PCCA: variants seen among roughly 807,000 people sequenced by gnomAD.
PCCA encodes the protein propionyl-CoA carboxylase subunit alpha.
A neutral mutation model predicts 101.3 loss-of-function variants in PCCA; 74 were observed. The observed-to-expected ratio is 0.73, with a 90% CI of 0.61 to 0.89. The LOEUF is 0.89. Ranked by LOEUF, PCCA falls within the 40% of genes least tolerant of loss-of-function variation. PCCA has a pLI of 0.00. For missense variants in PCCA, 891 were observed against 907.0 expected (o/e 0.98, Z 0.23); for synonymous variants, 294 against 313.6 (o/e 0.94, Z 0.66).
chr13:100,471,630 G>A (rs2083022451), intron 21 of PCCA, among the ~76,000 whole-genome samples: 3 of 152,102 alleles, frequency 2.0e-5, no homozygotes, highest in Admixed American at 6.5e-5. Context: ...TTTGCCCATC[G>A]GTAGAGTTTT....
intron 4 of PCCA, among the ~76,000 whole-genome samples, chr13:100,124,862 A>C (rs1251531644): frequency 3.3e-5 from 5 of 152,178 alleles, no homozygotes. Flanking sequence ...GTTTTACCTT[A>C]GATGTATATA....
intron 4 of PCCA, among the ~76,000 whole-genome samples, chr13:100,133,911 A>G (rs1281149791): frequency 6.6e-6 from 1 of 152,198 alleles, no homozygotes; most frequent in East Asian, 1.9e-4. Context: ...CCTGACCTCG[A>G]ACATCAGACT....
At chr13:100,322,323 G>T (rs561492170) in intron 16 of PCCA, among the ~76,000 whole-genome samples, 1 of 152,226 alleles carries the variant, frequency 6.6e-6, no homozygotes, top group East Asian at 1.9e-4. Flanking sequence ...GAATTAGTTT[G>T]TCATGCCTAC....
intron 18 of PCCA, among the ~76,000 whole-genome samples, chr13:100,349,417 G>T (rs1025582126): frequency 6.6e-6 from 1 of 151,072 alleles, no homozygotes; most frequent in African/African-American, 2.4e-5. Context: ...GTGAGCCACC[G>T]TGCCTGGCCT....
intron 4 of PCCA, chr13:100,150,711 AT>A (rs1263800637): frequency 6.3e-7 from 1 of 1,577,594 alleles, no homozygotes; most frequent in Non-Finnish European, 8.6e-7. Context: ...ACCTCAAAAA[AT>A]TTGTATGTGG....
intron 17 of PCCA, among the ~76,000 whole-genome samples, chr13:100,339,566 C>T (rs2070999189): frequency 6.6e-6 from 1 of 152,168 alleles, no homozygotes. Context: ...TTGCGGCCAG[C>T]CGACTATCCC....
intron 18 of PCCA, among the ~76,000 whole-genome samples, chr13:100,348,088 G>A (rs945172254): frequency 5.3e-5 from 8 of 152,076 alleles, no homozygotes; most frequent in Admixed American, 1.3e-4. Context: ...TTTCACAATC[G>A]GCTTGGGAAT....
chr13:100,477,979 C>T (rs190225278), intron 21 of PCCA, among the ~76,000 whole-genome samples: 252 of 152,340 alleles, frequency 1.7e-3, no homozygotes, highest in Non-Finnish European at 3.1e-3. Flanking sequence ...CGCTGACGGC[C>T]GCTCCAGGTT....
chr13:100,262,229 C>A (rs1320991022), intron 9 of PCCA, among the ~76,000 whole-genome samples: 1 of 151,762 alleles, frequency 6.6e-6, no homozygotes, highest in Non-Finnish European at 1.5e-5. Flanking sequence ...CCTGTCTCTA[C>A]CAAAAATATA....
intron 9 of PCCA, among the ~76,000 whole-genome samples, chr13:100,259,679 G>A (rs994724617): frequency 3.3e-5 from 5 of 151,988 alleles, no homozygotes; most frequent in Admixed American, 3.3e-4. Context: ...ATTGTTGAAG[G>A]TTCACTTAGA....
Position 100,311,325 on chromosome 13 carries a change from A to C in PCCA, c.1429+1417A>C, listed in dbSNP as rs182688619. Among the ~76,000 whole-genome samples, 401 of 152,272 alleles carry C rather than the reference A, an allele frequency of 2.6e-3. 3 individuals carry two copies. The highest frequency in any genetic ancestry group is 4.8e-3 in the Non-Finnish European group (328 of 68,026). The stretch of plus-strand genomic sequence containing the variant: ...GAATCTCATACTCCACATTTGAAAA[A>C]TGGAGTGATAGTCTCTGCCTTATAA... On this transcript the variant is annotated intron_variant, in intron 16 of 23. Coordinates refer to ENST00000376285, the MANE Select transcript of PCCA (RefSeq NM_000282.4).
In PCCA at chr13:100,260,400, T is replaced by G. The variant is rs60551014; in HGVS notation, c.717-2329T>G. ...TTAGTTGTGTGTGTGTGTGTGTGTTTTTTTTTTTTTTTTTGAGATGGAGTC... is the reference window on the plus strand; with the variant it reads ...TTAGTTGTGTGTGTGTGTGTGTGTTGTTTTTTTTTTTTTTGAGATGGAGTC... On this transcript the variant is annotated intron_variant, in intron 9 of 23. Coordinates refer to ENST00000376285, the MANE Select transcript of PCCA (RefSeq NM_000282.4). 6.7e-3 allele frequency among the ~76,000 whole-genome samples: 896 copies of G among 133,622 alleles called. 3 individuals carry two copies. Among genetic ancestry groups the G allele is most frequent in the Middle Eastern group, 0.014 (4 of 276 alleles). 87.7% of individuals were successfully genotyped at this position (133,622 alleles called of 152,430 possible).
In PCCA at chr13:100,484,959, A is replaced by G. The variant is rs572069848; in HGVS notation, c.1900-30468A>G. Among the ~76,000 whole-genome samples the G allele has an allele frequency of 3.3e-5, 5 of 152,318 alleles. No individual in the cohort carries two copies. The South Asian group carries it at 8.3e-4, about 25-fold the overall frequency. On this transcript the variant is annotated intron_variant, in intron 21 of 23. Coordinates refer to ENST00000376285, the MANE Select transcript of PCCA (RefSeq NM_000282.4). The stretch of plus-strand genomic sequence containing the variant: ...AGGACCTAGGGCTGTTCTTAGAAAT[A>G]TAGGCCTGAGACGACTTAAATTTCA...
rs538229 is a variant in PCCA, at chr13:100,235,868, A to G, written c.627A>G (p.Ala209=). 260,987 of 1,601,178 alleles carry G rather than the reference A, an allele frequency of 0.16. 22,787 individuals are homozygous for G. Among genetic ancestry groups the G allele is most frequent in the Middle Eastern group, 0.2 (1,184 of 6,026 alleles). The part of the protein sequence containing the change: ...VKDAEEAVRI[A]REIGYPVMIK... ...ATGCAGAAGAAGCTGTCAGAATTGC[A>G]AGGGAAATTGGTAAGTCCTTAAATT... The change falls in exon 8 of 24, where the codon GCA becomes GCG. Residue 209 remains alanine, a synonymous_variant. Coordinates refer to ENST00000376285, the MANE Select transcript of PCCA (RefSeq NM_000282.4).
chr13:100,189,225 C>T (rs983789726), intron 6 of PCCA, among the ~76,000 whole-genome samples: 1 of 152,140 alleles, frequency 6.6e-6, no homozygotes, highest in Admixed American at 6.6e-5. Flanking sequence ...ACTCGTCTTT[C>T]TTATGGTTGC....
rs138168256 is a variant in PCCA at position 100,095,355 on chromosome 13, G to A, written c.105+6130G>A. Among the ~76,000 whole-genome samples the A allele has an allele frequency of 1.4e-4, 21 of 152,266 alleles. No homozygotes were observed. The East Asian group carries it at 3.9e-3, about 28-fold the overall frequency. On this transcript the variant is annotated intron_variant, in intron 1 of 23. Transcript: ENST00000376285. ...GGGCTATCGTTCAATTCACCTACAC[G>A]TAGTATGTGTCAGACACTACTTAGA...
intron 22 of PCCA, among the ~76,000 whole-genome samples, chr13:100,520,595 A>T (rs1481994038): frequency 1.4e-5 from 2 of 142,942 alleles, no homozygotes; most frequent in Non-Finnish European, 3.0e-5. Flanking sequence ...AGATCGCGCC[A>T]CAGCACTCCA....
intron 22 of PCCA, among the ~76,000 whole-genome samples, chr13:100,519,145 G>A (rs1027669680): frequency 1.3e-5 from 2 of 152,104 alleles, no homozygotes; most frequent in Non-Finnish European, 2.9e-5. Flanking sequence ...AGTAATGTTC[G>A]TATTCTGCAG....
intron 8 of PCCA, among the ~76,000 whole-genome samples, chr13:100,255,792 CT>C (rs2062035194): frequency 6.6e-6 from 1 of 152,192 alleles, no homozygotes; most frequent in South Asian, 2.1e-4. Context: ...TGCATAATCT[CT>C]TGCAGAATCA....
Sources: allele counts gnomAD v4.1 joint callset (sites outside exome capture counted in the v4.1 genomes callset), GRCh38; gene constraint gnomAD v4.1.1; transcripts MANE v1.5; gene names NCBI Gene and HGNC (gene_info 2026-07-23, HGNC 2026-07-21).